VRK2: variants seen among roughly 807,000 people sequenced by gnomAD.
VRK2 encodes serine/threonine-protein kinase VRK2.
Under a neutral mutation model 57.6 loss-of-function variants are expected in VRK2, and 60 were observed. The ratio of observed to expected loss-of-function variants is 1.04; its 90% CI spans 0.85 to 1.29. VRK2 has a LOEUF of 1.29. Ranked by LOEUF, VRK2 falls within the 50% of genes most tolerant of loss-of-function variation. VRK2 has a pLI of 0.00. For missense variants in VRK2, 705 were observed against 588.1 expected (o/e 1.20, Z -2.06); for synonymous variants, 231 against 199.2 (o/e 1.16, Z -1.35).
chr2:58,046,902 G>C, intron 1 of VRK2, 34 bp downstream of exon 1: 1 of 985,436 alleles, frequency 1.0e-6, no homozygotes. Flanking sequence ...TGGGTGGCGG[G>C]CGGCACCTCC....
intron 1 of VRK2, among the ~76,000 whole-genome samples, chr2:57,930,943 A>G (rs1360279946): frequency 6.6e-6 from 1 of 152,130 alleles, no homozygotes; most frequent in Non-Finnish European, 1.5e-5. Flanking sequence ...TTAAAGCTGA[A>G]TAATTTTTAT....
intron 2 of VRK2, among the ~76,000 whole-genome samples, chr2:58,079,699 A>G (rs1377886929): frequency 6.6e-6 from 1 of 152,002 alleles, no homozygotes; most frequent in Non-Finnish European, 1.5e-5. Context: ...CACCAACTTA[A>G]TATTATAAAT....
chr2:58,021,539 C>G (rs1015268634), intron 1 of VRK2, among the ~76,000 whole-genome samples: 1 of 152,128 alleles, frequency 6.6e-6, no homozygotes, highest in East Asian at 1.9e-4. Context: ...ATACTATGAC[C>G]GTTTATCTGG....
chr2:58,154,782 G>A, intron 12 of VRK2: 1 of 717,276 alleles, frequency 1.4e-6, no homozygotes, highest in South Asian at 1.5e-5. Context: ...CTATTGATTT[G>A]AACCCACTAT....
chr2:58,070,243 T>C (rs189410696), intron 2 of VRK2, among the ~76,000 whole-genome samples: 5 of 152,254 alleles, frequency 3.3e-5, no homozygotes, highest in Admixed American at 3.3e-4. Flanking sequence ...TGAGATGGAG[T>C]CTTGGTGTGT....
At chr2:58,060,900 A>G (rs1677228206) in intron 2 of VRK2, among the ~76,000 whole-genome samples, 1 of 151,924 alleles carries the variant, frequency 6.6e-6, no homozygotes, top group African/African-American at 2.4e-5. Flanking sequence ...GTATGGCCAA[A>G]TTGAATGTCT....
At chr2:58,114,018 A>C (rs891537745) in intron 7 of VRK2, among the ~76,000 whole-genome samples, 4 of 151,990 alleles carry the variant, frequency 2.6e-5, no homozygotes, top group Non-Finnish European at 5.9e-5. Flanking sequence ...AGAGTGGGAG[A>C]GATTAAGCTG....
chr2:58,077,954 A>G (rs1461420099), intron 2 of VRK2, among the ~76,000 whole-genome samples: 1 of 152,064 alleles, frequency 6.6e-6, no homozygotes, highest in Non-Finnish European at 1.5e-5. Flanking sequence ...TCTCAGGCCA[A>G]TGTGATAGCT....
chr2:58,012,389 T>C (rs1362136369), intron 1 of VRK2, among the ~76,000 whole-genome samples: 5 of 152,216 alleles, frequency 3.3e-5, no homozygotes, highest in Non-Finnish European at 7.4e-5. Flanking sequence ...GGGACCCCTT[T>C]CCTGTAACAT....
At chr2:58,128,436 A>G (rs1224887720) in intron 8 of VRK2, among the ~76,000 whole-genome samples, 1 of 152,086 alleles carries the variant, frequency 6.6e-6, no homozygotes, top group Non-Finnish European at 1.5e-5. Flanking sequence ...GGTTCAAGCA[A>G]TTCTCCTGCC....
At chr2:58,085,559 C>T (rs1200795690) in intron 4 of VRK2, among the ~76,000 whole-genome samples, 1 of 151,810 alleles carries the variant, frequency 6.6e-6, no homozygotes, top group Non-Finnish European at 1.5e-5. Context: ...CTAAGAAAAA[C>T]ATTAAAGAAG....
intron 7 of VRK2, among the ~76,000 whole-genome samples, chr2:58,096,216 A>G (rs750666645): frequency 6.6e-6 from 1 of 152,052 alleles, no homozygotes; most frequent in Non-Finnish European, 1.5e-5. Flanking sequence ...GATATTCGTA[A>G]GTGATATTGA....
chr2:58,065,792 T>C (rs1668522153), intron 2 of VRK2, among the ~76,000 whole-genome samples: 1 of 152,162 alleles, frequency 6.6e-6, no homozygotes. Context: ...ATCAGCTTTT[T>C]GTAGTTATTA....
rs576327416 is a variant in VRK2 at position 57,954,899 on chromosome 2, A to C, written c.-439+47060A>C. On this transcript the variant is annotated intron_variant, in intron 1 of 15. Coordinates refer to the VRK2 transcript ENST00000417641. ...AAGATAGAATCTCACAGAAAAAAGAAGCCGTGCATTGTTTATGTCTGGAAA... is the reference window on the plus strand; with the variant it reads ...AAGATAGAATCTCACAGAAAAAAGACGCCGTGCATTGTTTATGTCTGGAAA... Among the ~76,000 whole-genome samples the C allele has an allele frequency of 5.3e-5, 8 of 152,330 alleles. No homozygotes were observed. The South Asian group carries it at 1.7e-3, about 32-fold the overall frequency.
intron 7 of VRK2, among the ~76,000 whole-genome samples, chr2:58,110,287 T>TACATACA (rs1429722736): frequency 6.6e-6 from 1 of 152,202 alleles, no homozygotes; most frequent in Non-Finnish European, 1.5e-5. Flanking sequence ...CTTTAAAGGC[T>TACATACA]TTTCTTCAAA....
rs148524951 is a variant in VRK2, at chr2:58,031,021, C to A, written c.-332-2206C>A. ...TGATTCCAGCTCCTAGGCTGTGAGTCACTCCCAGCATGCACACCTTCTCAA... is the reference window on the plus strand; with the variant it reads ...TGATTCCAGCTCCTAGGCTGTGAGTAACTCCCAGCATGCACACCTTCTCAA... On this transcript the variant is annotated intron_variant, in intron 2 of 15. Coordinates refer to the VRK2 transcript ENST00000417641. Among the ~76,000 whole-genome samples, 1,003 of 152,154 alleles carry A rather than the reference C, an allele frequency of 6.6e-3. 11 individuals carry two copies. The highest frequency in any genetic ancestry group is 0.023 in the African/African-American group (944 of 41,532).
At chr2:58,143,362 G>A (rs2104629626) in intron 11 of VRK2, among the ~76,000 whole-genome samples, 1 of 151,976 alleles carries the variant, frequency 6.6e-6, no homozygotes, top group Admixed American at 6.6e-5. Flanking sequence ...GATGCCCAGG[G>A]TGTTTTCTGT....
At chr2:57,980,303 TCAAGAA>T in intron 1 of VRK2, among the ~76,000 whole-genome samples, 1 of 152,206 alleles carries the variant, frequency 6.6e-6, no homozygotes, top group South Asian at 2.1e-4. Context: ...CCAAAATCAT[TCAAGAA>T]CAGGTTGTTA....
At chr2:57,913,038 C>A (rs980464581) in intron 1 of VRK2, among the ~76,000 whole-genome samples, 22 of 152,174 alleles carry the variant, frequency 1.4e-4, no homozygotes, top group Non-Finnish European at 8.8e-5. Flanking sequence ...TCTGCTGGAA[C>A]CTGCATCTGA....
Sources: allele counts gnomAD v4.1 joint callset (sites outside exome capture counted in the v4.1 genomes callset), GRCh38; gene constraint gnomAD v4.1.1; transcripts MANE v1.5; gene names NCBI Gene and HGNC (gene_info 2026-07-23, HGNC 2026-07-21).